EBF2: variants seen among roughly 807,000 people sequenced by gnomAD.
EBF2 encodes the protein transcription factor COE2.
In EBF2, 21 loss-of-function variants were observed where a neutral mutation model predicts 72.8. The ratio of observed to expected loss-of-function variants is 0.29; its 90% CI spans 0.20 to 0.42. The LOEUF (loss-of-function observed/expected upper bound fraction) is 0.42. Ranked by LOEUF, EBF2 falls within the 10% of genes least tolerant of loss-of-function variation. The pLI is 1.00. For missense variants in EBF2, 637 were observed against 731.2 expected, an observed-to-expected ratio of 0.87 and a Z score of 1.49; for synonymous variants, 299 against 274.2, an observed-to-expected ratio of 1.09 and a Z score of -0.89.
At chr8:25,854,098 G>T (rs183717324) in intron 14 of EBF2, among the ~76,000 whole-genome samples, 8 of 152,130 alleles carry the variant, frequency 5.3e-5, no homozygotes, top group African/African-American at 1.9e-4. Flanking sequence ...GGAAAATCTC[G>T]ATTTCTTTGG....
intron 6 of EBF2, among the ~76,000 whole-genome samples, chr8:25,991,349 C>G (rs1804542313): frequency 6.6e-6 from 1 of 152,140 alleles, no homozygotes; most frequent in Admixed American, 6.5e-5. Context: ...CAGAGAGAAG[C>G]CTTTGTGCCT....
At chr8:25,935,539 G>C (rs1803564511) in intron 6 of EBF2, among the ~76,000 whole-genome samples, 1 of 152,188 alleles carries the variant, frequency 6.6e-6, no homozygotes, top group Non-Finnish European at 1.5e-5. Context: ...GTCAGGTTCT[G>C]CCAGTGTGTA....
chr8:26,040,726 C>T (rs1016944025), intron 3 of EBF2, 55 bp from the exon 4 acceptor site: 4 of 1,541,678 alleles, frequency 2.6e-6, no homozygotes, highest in Admixed American at 2.0e-5. Context: ...TCCGGGCACC[C>T]CAAACCCTTC....
At chr8:26,040,742 C>T in intron 3 of EBF2, 71 bp from the exon 4 acceptor site, 1 of 1,527,068 alleles carries the variant, frequency 6.5e-7, no homozygotes, top group Non-Finnish European at 8.8e-7. Context: ...CCTTCTCTGC[C>T]ATGGGTCTGA....
At chr8:25,986,144 A>G (rs774359458) in intron 6 of EBF2, among the ~76,000 whole-genome samples, 1 of 151,964 alleles carries the variant, frequency 6.6e-6, no homozygotes, top group Non-Finnish European at 1.5e-5. Flanking sequence ...CTGGGTATAC[A>G]CCATGGTTCT....
rs545360926 is a variant in EBF2, at chr8:25,844,751, G to A, written c.1697-111C>T. On this transcript the variant is annotated intron_variant, in intron 15 of 15. Coordinates refer to ENST00000520164, the MANE Select transcript of EBF2 (RefSeq NM_022659.4). ...AATGATAGAGTCTGATGCTATTCAA[G>A]GAGATGGTGCCCTCAGCTGATATGA... The A allele has an allele frequency of 2.2e-6, 3 of 1,382,456 alleles. No individual in the cohort carries two copies. The African/African-American group carries it at 4.3e-5, about 20-fold the overall frequency. 85.6% of individuals were successfully genotyped at this position (1,382,456 alleles called of 1,614,324 possible).
intron 6 of EBF2, among the ~76,000 whole-genome samples, chr8:25,998,625 C>T (rs1294575933): frequency 1.3e-5 from 2 of 152,142 alleles, no homozygotes; most frequent in Non-Finnish European, 2.9e-5. Context: ...TTCAGAGTGT[C>T]ATTTAATGTC....
intron 6 of EBF2, among the ~76,000 whole-genome samples, chr8:26,006,595 A>G (rs572255564): frequency 4.8e-4 from 73 of 152,324 alleles, no homozygotes; most frequent in African/African-American, 1.7e-3. Flanking sequence ...CTGATGAGAA[A>G]ACTATGTCGT....
intron 14 of EBF2, 184 bp downstream of exon 14, chr8:25,858,135 C>G (rs1802132153): frequency 2.6e-6 from 2 of 781,478 alleles, no homozygotes; most frequent in Non-Finnish European, 2.2e-6. Context: ...CCTTGAGTAA[C>G]CACGTGAGCC....
chr8:25,949,800 G>T (rs1803828617), intron 6 of EBF2, among the ~76,000 whole-genome samples: 1 of 152,174 alleles, frequency 6.6e-6, no homozygotes, highest in African/African-American at 2.4e-5. Flanking sequence ...ACCACTTGGG[G>T]AGGCAGTCAG....
chr8:25,929,296 C>A (rs959111990), intron 6 of EBF2, among the ~76,000 whole-genome samples: 5 of 152,174 alleles, frequency 3.3e-5, no homozygotes, highest in African/African-American at 1.2e-4. Flanking sequence ...ACAGGGCATC[C>A]TGGCTCCACA....
intron 6 of EBF2, among the ~76,000 whole-genome samples, chr8:26,022,020 C>T (rs1299280460): frequency 6.6e-6 from 1 of 152,198 alleles, no homozygotes; most frequent in Non-Finnish European, 1.5e-5. Context: ...AAGTGAAATG[C>T]CATCAGTTTG....
At chr8:25,920,506 G>A (rs1386446789) in intron 6 of EBF2, among the ~76,000 whole-genome samples, 2 of 152,158 alleles carry the variant, frequency 1.3e-5, no homozygotes, top group Non-Finnish European at 2.9e-5. Flanking sequence ...TGTTTTGTTT[G>A]GCTATTTTCT....
chr8:25,947,568 A>C (rs1803791736), intron 6 of EBF2, among the ~76,000 whole-genome samples: 1 of 152,180 alleles, frequency 6.6e-6, no homozygotes, highest in Non-Finnish European at 1.5e-5. Flanking sequence ...TTAGACCAGC[A>C]TCCATACACC....
At chr8:25,846,057 G>T (rs1801826389) in intron 15 of EBF2, among the ~76,000 whole-genome samples, 1 of 152,004 alleles carries the variant, frequency 6.6e-6, no homozygotes, top group South Asian at 2.1e-4. Flanking sequence ...TTGAATGTTT[G>T]TGAGATCTGG....
chr8:25,897,111 A>G (rs1585186291), intron 7 of EBF2, among the ~76,000 whole-genome samples: 1 of 152,302 alleles, frequency 6.6e-6, no homozygotes, highest in East Asian at 1.9e-4. Context: ...GAGAACACAG[A>G]GTTGACTGCC....
chr8:25,863,669 A>G (rs1028227851), intron 10 of EBF2, among the ~76,000 whole-genome samples: 2 of 152,172 alleles, frequency 1.3e-5, no homozygotes, highest in Admixed American at 1.3e-4. Context: ...AAACACAGTA[A>G]TGTCTATTTC....
rs189348035 is a variant in EBF2 at position 26,028,361 on chromosome 8, T to C, written c.551+4724A>G. ...AGACCAATGTCCAGGGACAAAAGACTGGGATATTTAGCGTGTGAGAAATAG... is the reference window on the plus strand; with the variant it reads ...AGACCAATGTCCAGGGACAAAAGACCGGGATATTTAGCGTGTGAGAAATAG... On this transcript the variant is annotated intron_variant, in intron 6 of 15. Coordinates refer to ENST00000520164, the MANE Select transcript of EBF2 (RefSeq NM_022659.4). 1.1e-3 allele frequency among the ~76,000 whole-genome samples: 166 copies of C among 152,320 alleles called. 1 individual carries two copies. Among genetic ancestry groups the C allele is most frequent in the African/African-American group, 3.6e-3 (149 of 41,578 alleles).
chr8:25,843,501 G>T lies in EBF2; in HGVS notation c.*1108C>A, dbSNP rs1801772625. ...GAGGGAGTGGTGGGGTTCTGGTGAG[G>T]AGGAATTCCCAAGGGGTCCCTTGGT... On this transcript the variant is annotated 3_prime_UTR_variant, in exon 16 of 16. Coordinates refer to ENST00000520164, the MANE Select transcript of EBF2 (RefSeq NM_022659.4). 1 of 152,276 alleles carries T rather than the reference G, an allele frequency of 6.6e-6. No homozygotes were observed. The highest frequency in any genetic ancestry group is 2.4e-5 in the African/African-American group (1 of 41,440). 9.4% of individuals were successfully genotyped at this position (152,276 alleles called of 1,614,324 possible).
Sources: allele counts gnomAD v4.1 joint callset (sites outside exome capture counted in the v4.1 genomes callset), GRCh38; gene constraint gnomAD v4.1.1; transcripts MANE v1.5; gene names NCBI Gene and HGNC (gene_info 2026-07-23, HGNC 2026-07-21).